Variants in ZNF385D observed in about 807,000 individuals in gnomAD.
ZNF385D encodes the protein zinc finger protein 659.
In ZNF385D, 15 loss-of-function variants were observed where a neutral mutation model predicts 35.8. That is an observed-to-expected ratio of 0.42 (90% CI 0.28 to 0.64). ZNF385D has a LOEUF of 0.64. Ranked by LOEUF, ZNF385D falls within the 30% of genes least tolerant of loss-of-function variation. The pLI, the probability that ZNF385D is intolerant of heterozygous loss-of-function variation, is 0.23. For missense variants in ZNF385D, 474 were observed against 494.6 expected (o/e 0.96, Z 0.39); for synonymous variants, 212 against 186.8 (o/e 1.13, Z -1.10).
intron 2 of ZNF385D, among the ~76,000 whole-genome samples, chr3:22,235,573 A>G (rs1002832676): frequency 6.6e-6 from 1 of 152,154 alleles, no homozygotes; most frequent in African/African-American, 2.4e-5. Flanking sequence ...AAATGTTTAA[A>G]GAGGCCTTGT....
In ZNF385D at chr3:21,748,982, G is replaced by A. The variant is rs537031457; in HGVS notation, c.22+1913C>T. Among the ~76,000 whole-genome samples, 7 of 152,104 alleles carry A rather than the reference G, an allele frequency of 4.6e-5. 1 individual carries two copies. In the South Asian group the frequency reaches 1.0e-3, roughly 23 times the overall value. The stretch of plus-strand genomic sequence containing the variant: ...GTTGTGGATATCTAACAGCTTGTAC[G>A]AGAAGCTGCATAGCATAACCCGAAA... On this transcript the variant is annotated intron_variant, in intron 1 of 7. Coordinates refer to ENST00000281523, the MANE Select transcript of ZNF385D (RefSeq NM_024697.3).
At chr3:22,049,371 T>A (rs1699206933) in intron 3 of ZNF385D, among the ~76,000 whole-genome samples, 1 of 149,578 alleles carries the variant, frequency 6.7e-6, no homozygotes, top group African/African-American at 2.4e-5. Context: ...ATATTTATCC[T>A]GCAACTTTAC....
intron 2 of ZNF385D, among the ~76,000 whole-genome samples, chr3:21,631,074 A>G (rs1380996398): frequency 6.6e-6 from 1 of 152,134 alleles, no homozygotes; most frequent in East Asian, 1.9e-4. Context: ...TGTACTAAGG[A>G]TTTGGAACAT....
rs369192395 is a variant in ZNF385D, at chr3:21,665,028, C to T, written c.23G>A (p.Gly8Asp). The T allele has an allele frequency of 1.2e-6, 2 of 1,602,688 alleles. No individual in the cohort carries two copies. Among genetic ancestry groups the T allele is most frequent in the African/African-American group, 1.3e-5 (1 of 74,610 alleles). The change falls in exon 2 of 8, where the codon GGT becomes GAT. Residue 8 changes from glycine to aspartate, a missense_variant and splice_region_variant. Gly to Asp is a moderately conservative substitution (Grantham distance 94). Coordinates refer to ENST00000281523, the MANE Select transcript of ZNF385D (RefSeq NM_024697.3). ...GAGAGCAGGACTCTGGCATGTACCA[C>T]CTGTGAAGACCAGAGCAAAGGGAGC... MRNIMYF[G>D]GTCQSPALPA...
intron 3 of ZNF385D, among the ~76,000 whole-genome samples, chr3:21,789,263 T>C (rs1047983002): frequency 1.1e-4 from 16 of 152,162 alleles, no homozygotes; most frequent in African/African-American, 3.4e-4. Context: ...ATTTAGAAAT[T>C]TGAGATATAC....
Position 21,419,999 on chromosome 3 carries a change from G to A in ZNF385D, c.*1215C>T, listed in dbSNP as rs1197154489. 1 of 151,908 alleles carries A rather than the reference G, an allele frequency of 6.6e-6. No individual in the cohort carries two copies. Among genetic ancestry groups the A allele is most frequent in the Non-Finnish European group, 1.5e-5 (1 of 67,966 alleles). The allele number at this position is 151,908 out of a possible 1,614,324, so 9.4% of individuals were successfully genotyped here. A position where few individuals can be genotyped will look rare whatever the true frequency, so the allele number is the denominator to read the frequency against. On this transcript the variant is annotated 3_prime_UTR_variant, in exon 8 of 8. Transcript: ENST00000281523. ...AATAATTGTCGAGTGGAACTTACCAGTATTTTTTAACACTATGTCATTGGT... is the reference window on the plus strand; with the variant it reads ...AATAATTGTCGAGTGGAACTTACCAATATTTTTTAACACTATGTCATTGGT...
intron 4 of ZNF385D, among the ~76,000 whole-genome samples, chr3:21,480,718 A>G (rs163476): frequency 0.21 from 31,561 of 152,170 alleles, 3,770 homozygotes; most frequent in Non-Finnish European, 0.28. Context: ...TCTATTTTGT[A>G]AGCTCAGTCC....
Position 21,846,440 on chromosome 3 carries a change from G to A in ZNF385D, c.326-181412C>T, listed in dbSNP as rs9863430. Among the ~76,000 whole-genome samples the A allele has an allele frequency of 3.8e-3, 575 of 152,094 alleles. 2 individuals carry two copies. The highest frequency in any genetic ancestry group is 0.013 in the African/African-American group (533 of 41,524). On this transcript the variant is annotated intron_variant, in intron 3 of 5. Transcript: ENST00000494108. The stretch of plus-strand genomic sequence containing the variant: ...GGAAATTACTGAATTATTAAATTGT[G>A]TGCTCCTGATCTTTTCTATGGTCTT...
intron 3 of ZNF385D, among the ~76,000 whole-genome samples, chr3:21,773,983 A>C (rs1003028558): frequency 2.0e-5 from 3 of 152,056 alleles, no homozygotes; most frequent in Admixed American, 1.3e-4. Flanking sequence ...TGTTCATTGC[A>C]GCACTATTCA....
chr3:22,218,882 G>C (rs1360721407), intron 2 of ZNF385D, among the ~76,000 whole-genome samples: 10 of 152,002 alleles, frequency 6.6e-5, no homozygotes, highest in African/African-American at 1.9e-4. Context: ...CATTACTAGA[G>C]GGCTCACTTT....
chr3:22,364,020 G>A (rs2125516842), intron 2 of ZNF385D, among the ~76,000 whole-genome samples: 1 of 151,926 alleles, frequency 6.6e-6, no homozygotes, highest in African/African-American at 2.4e-5. Flanking sequence ...TCCTTTATGG[G>A]GTTTCTACCT....
At chr3:21,981,082 T>G (rs1011069007) in intron 3 of ZNF385D, among the ~76,000 whole-genome samples, 1 of 152,088 alleles carries the variant, frequency 6.6e-6, no homozygotes. Flanking sequence ...GGTATATACA[T>G]AATAATAGGA....
intron 2 of ZNF385D, among the ~76,000 whole-genome samples, chr3:22,248,011 T>C (rs1699878015): frequency 6.6e-6 from 1 of 152,096 alleles, no homozygotes; most frequent in South Asian, 2.1e-4. Context: ...GTTCACAAAA[T>C]ACATATAATA....
intron 2 of ZNF385D, among the ~76,000 whole-genome samples, chr3:22,347,152 TG>T (rs1695696509): frequency 6.6e-6 from 1 of 152,182 alleles, no homozygotes; most frequent in Non-Finnish European, 1.5e-5. Context: ...TACAAAAAAA[TG>T]TGTTTCATTT....
chr3:21,623,006 G>C (rs2065047102), intron 2 of ZNF385D, among the ~76,000 whole-genome samples: 1 of 152,070 alleles, frequency 6.6e-6, no homozygotes, highest in Non-Finnish European at 1.5e-5. Flanking sequence ...TTCTCAACTA[G>C]AAGAACAAGT....
At chr3:22,289,276 C>G (rs1051884184) in intron 2 of ZNF385D, among the ~76,000 whole-genome samples, 2 of 152,120 alleles carry the variant, frequency 1.3e-5, no homozygotes, top group Non-Finnish European at 2.9e-5. Context: ...AGAGCCTCAT[C>G]AACTCCTGAA....
intron 3 of ZNF385D, among the ~76,000 whole-genome samples, chr3:22,161,641 G>A (rs1449737196): frequency 6.6e-6 from 1 of 151,988 alleles, no homozygotes; most frequent in Non-Finnish European, 1.5e-5. Flanking sequence ...TATGCTAACA[G>A]AAAAAGATAC....
chr3:22,277,006 T>C (rs573628943), intron 2 of ZNF385D, among the ~76,000 whole-genome samples: 1 of 152,238 alleles, frequency 6.6e-6, no homozygotes, highest in South Asian at 2.1e-4. Context: ...ACACAAGCAG[T>C]AGTTATATAA....
At chr3:22,324,087 A>G (rs960918534) in intron 2 of ZNF385D, among the ~76,000 whole-genome samples, 1 of 151,970 alleles carries the variant, frequency 6.6e-6, no homozygotes, top group African/African-American at 2.4e-5. Context: ...TTGTGCTAAA[A>G]AATAATTATA....
Sources: gnomAD v4.1 joint callset for allele counts (sites outside exome capture counted in the v4.1 genomes callset) on GRCh38, gnomAD v4.1.1 for gene constraint, MANE v1.5 for transcripts, NCBI Gene and HGNC (gene_info 2026-07-23, HGNC 2026-07-21) for gene names.